Variants in XYLB observed in about 807,000 individuals in gnomAD.
XYLB encodes xylulose kinase.
Under a neutral mutation model 78.7 loss-of-function variants are expected in XYLB, and 62 were observed. The ratio of observed to expected loss-of-function variants is 0.79; its 90% CI spans 0.64 to 0.97. The LOEUF (loss-of-function observed/expected upper bound fraction) is 0.97. Among genes scored for constraint, XYLB ranks in the 50% least tolerant of loss-of-function variants. The pLI is 0.00. For synonymous variants in XYLB, 245 were observed against 247.4 expected, an observed-to-expected ratio of 0.99 and a Z score of 0.09; for missense variants, 687 against 676.8, an observed-to-expected ratio of 1.02 and a Z score of -0.17.
the XYLB span, among the ~76,000 whole-genome samples, chr3:38,450,780 G>A: frequency 1.3e-5 from 2 of 152,218 alleles, no homozygotes; most frequent in Non-Finnish European, 2.9e-5. Flanking sequence ...TTTATTTAAG[G>A]CAAGAATGAA....
chr3:38,429,047 C>G, the XYLB span, among the ~76,000 whole-genome samples: 1 of 152,174 alleles, frequency 6.6e-6, no homozygotes, highest in Non-Finnish European at 1.5e-5. Context: ...AGAGAGCTAC[C>G]TTGCTCAAGG....
intron 1 of XYLB, among the ~76,000 whole-genome samples, chr3:38,347,434 T>C (rs1321998809): frequency 6.6e-6 from 1 of 152,154 alleles, no homozygotes; most frequent in Non-Finnish European, 1.5e-5. Flanking sequence ...TCCCAGCACT[T>C]TGGGAGGCCG....
rs111298037 is a variant in XYLB at position 38,371,570 on chromosome 3, G to A, written c.766-1085G>A. The stretch of plus-strand genomic sequence containing the variant: ...ATTACAGGCGTGAGCCACCGCACCC[G>A]GCCTAATTTTTTTTTATTTTGGTAG... On this transcript the variant is annotated intron_variant, in intron 9 of 18. Coordinates refer to ENST00000207870, the MANE Select transcript of XYLB (RefSeq NM_005108.4). 3.1e-3 allele frequency among the ~76,000 whole-genome samples: 475 copies of A among 152,116 alleles called. 4 individuals carry two copies. Among genetic ancestry groups the A allele is most frequent in the African/African-American group, 0.011 (441 of 41,510 alleles).
chr3:38,347,231 A>T (rs1336096811), intron 1 of XYLB, among the ~76,000 whole-genome samples: 1 of 152,096 alleles, frequency 6.6e-6, no homozygotes, highest in Non-Finnish European at 1.5e-5. Flanking sequence ...GGGCCGGAGG[A>T]CTCGGCGGGT....
rs773093450 is a variant in XYLB at position 38,413,022 on chromosome 3, C to T, written c.*9C>T. 3.2e-6 allele frequency: 5 copies of T among 1,582,108 alleles called. No individual in the cohort carries two copies. In the South Asian group the frequency reaches 5.9e-5, roughly 19 times the overall value. On this transcript the variant is annotated 3_prime_UTR_variant, in exon 19 of 19. Transcript: ENST00000207870. The stretch of plus-strand genomic sequence containing the variant: ...GGGGGCCTCCGGAGTGAACAGGCAT[C>T]CCTGTTGCCCCTGCCTGCCCAGATT...
chr3:38,424,812 A>T (rs1709069110), downstream of XYLB, among the ~76,000 whole-genome samples: 1 of 152,260 alleles, frequency 6.6e-6, no homozygotes, highest in South Asian at 2.1e-4. Context: ...AACAGCAGTT[A>T]AGAGTAGAAT....
chr3:38,422,896 G>T (rs1279883147), downstream of XYLB, among the ~76,000 whole-genome samples: 5 of 152,072 alleles, frequency 3.3e-5, no homozygotes, highest in Non-Finnish European at 5.9e-5. Context: ...GGCGGCCATT[G>T]TTAAGCCTCC....
intron 8 of XYLB, among the ~76,000 whole-genome samples, chr3:38,368,747 A>G (rs1456985783): frequency 6.6e-6 from 1 of 152,200 alleles, no homozygotes; most frequent in Admixed American, 6.5e-5. Context: ...GTGATGTGCC[A>G]TCACTTTTGT....
At chr3:38,361,279 G>T (rs1016513409) in intron 3 of XYLB, among the ~76,000 whole-genome samples, 1 of 152,190 alleles carries the variant, frequency 6.6e-6, no homozygotes, top group Non-Finnish European at 1.5e-5. Context: ...AGGCGTGGTA[G>T]CTCCAGGGGC....
Position 38,375,165 on chromosome 3 carries a change from A to C in XYLB, c.910A>C (p.Thr304Pro). Residue 304 changes from threonine to proline, a missense_variant, in exon 12 of 19, where the codon ACC (threonine) becomes CCC (proline). Coordinates refer to ENST00000207870, the MANE Select transcript of XYLB (RefSeq NM_005108.4). Reference protein sequence around the residue: ...DIAVSLGTSDTLFLWLQEPMP... With the variant: ...DIAVSLGTSDPLFLWLQEPMP... ...TCAGGTCAGCCTGGGCACCAGTGAC[A>C]CCCTGTTTCTCTGGCTCCAAGAGCC... The C allele has an allele frequency of 2.5e-6, 4 of 1,614,032 alleles. No individual in the cohort carries two copies. In the Middle Eastern group the frequency reaches 4.9e-4, roughly 200 times the overall value.
Position 38,379,241 on chromosome 3 carries a change from G to C in XYLB, c.1195-5G>C, listed in dbSNP as rs1159194151. Reference sequence around the variant, plus strand: ...TACTCTGTGCCCACCTTTTCCTGGAGACAGGTTGCAGCATTCCCTGGGGAT... The same window carrying C: ...TACTCTGTGCCCACCTTTTCCTGGACACAGGTTGCAGCATTCCCTGGGGAT... On this transcript the variant is annotated splice_polypyrimidine_tract_variant and splice_region_variant and intron_variant, in intron 14 of 18. Transcript: ENST00000207870. 1 of 1,614,068 alleles carries C rather than the reference G, an allele frequency of 6.2e-7. No homozygotes were observed.
chr3:38,411,593 G>A (rs1292628540), intron 18 of XYLB, among the ~76,000 whole-genome samples: 2 of 150,782 alleles, frequency 1.3e-5, no homozygotes, highest in African/African-American at 4.9e-5. Context: ...CCTTGCCTTA[G>A]TACAGTTGCT....
At chr3:38,428,280 A>G in the XYLB span, among the ~76,000 whole-genome samples, 1 of 152,280 alleles carries the variant, frequency 6.6e-6, no homozygotes, top group South Asian at 2.1e-4. Flanking sequence ...TGTGCATTTG[A>G]AAAAAATGTG....
At chr3:38,372,971 A>G (rs1706654491) in intron 10 of XYLB, among the ~76,000 whole-genome samples, 1 of 151,658 alleles carries the variant, frequency 6.6e-6, no homozygotes, top group Non-Finnish European at 1.5e-5. Context: ...CTTAGCTCCG[A>G]CTCTGCCCTC....
At chr3:38,439,761 CAA>C in the XYLB span, among the ~76,000 whole-genome samples, 8 of 136,318 alleles carry the variant, frequency 5.9e-5, no homozygotes, top group African/African-American at 5.6e-5. Flanking sequence ...GACTCCGTCT[CAA>C]AAAAAAAAAA....
intron 18 of XYLB, among the ~76,000 whole-genome samples, chr3:38,412,630 A>G (rs1478156601): frequency 2.6e-5 from 4 of 152,204 alleles, no homozygotes; most frequent in African/African-American, 9.7e-5. Flanking sequence ...GAGTTGTATC[A>G]CCAGCTTTCA....
At chr3:38,424,672 A>G (rs908897631), downstream of XYLB, among the ~76,000 whole-genome samples, 1 of 152,190 alleles carries the variant, frequency 6.6e-6, no homozygotes, top group Non-Finnish European at 1.5e-5. Flanking sequence ...TGAGGTGCTG[A>G]CGGTTTTGAG....
chr3:38,350,859 A>C (rs1014071646), intron 2 of XYLB, among the ~76,000 whole-genome samples: 1 of 151,966 alleles, frequency 6.6e-6, no homozygotes, highest in East Asian at 1.9e-4. Flanking sequence ...GAATGTTTTT[A>C]GGCTGGGTAC....
the XYLB span, among the ~76,000 whole-genome samples, chr3:38,438,136 G>A: frequency 1.3e-5 from 2 of 152,216 alleles, no homozygotes; most frequent in African/African-American, 2.4e-5. Context: ...GGCTGAGGCA[G>A]AAGGATTGCT....
Sources: gnomAD v4.1 joint callset for allele counts (sites outside exome capture counted in the v4.1 genomes callset) on GRCh38, gnomAD v4.1.1 for gene constraint, MANE v1.5 for transcripts, NCBI Gene and HGNC (gene_info 2026-07-23, HGNC 2026-07-21) for gene names.